FBXO34: variants seen among roughly 807,000 people sequenced by gnomAD.
FBXO34 encodes F-box only protein 34.
FBXO34 carries 12 observed loss-of-function variants against 24.5 expected under a neutral mutation model. That is an observed-to-expected ratio of 0.49 (90% CI 0.31 to 0.79). The LOEUF is 0.79. Among genes scored for constraint, FBXO34 ranks in the 30% least tolerant of loss-of-function variants. FBXO34 has a pLI of 0.04. For synonymous variants in FBXO34, 320 were observed against 311.9 expected (o/e 1.03, Z -0.27); for missense variants, 823 against 857.7 (o/e 0.96, Z 0.51).
At chr14:55,350,338 A>G (rs1431316965) in intron 1 of FBXO34, 43 bp from the exon 2 acceptor site, 1 of 1,418,934 alleles carries the variant, frequency 7.0e-7, no homozygotes, top group Non-Finnish European at 9.3e-7. Context: ...TTTTCTAAAA[A>G]CAAAATTGGT....
In FBXO34 at chr14:55,331,723, ATATATGTATATATATATG is replaced by A. The variant is rs1566559453; in HGVS notation, c.-10-18656_-10-18639del. Among the ~76,000 whole-genome samples, 193 of 43,656 alleles carry A rather than the reference ATATATGTATATATATATG, an allele frequency of 4.4e-3. 47 individuals are homozygous for A. The highest frequency in any genetic ancestry group is 0.034 in the African/African-American group (177 of 5,132). 28.6% of individuals were successfully genotyped at this position (43,656 alleles called of 152,430 possible). A position where few individuals can be genotyped will look rare whatever the true frequency, so the allele number is the denominator to read the frequency against. On this transcript the variant is annotated intron_variant, in intron 1 of 1. Transcript: ENST00000313833. Reference sequence around the variant, plus strand: ...TATATATGTATATATATATGTATATATATATGTATATATATATGTGTGTATATATATATATATGTATAT... The same window carrying A: ...TATATATGTATATATATATGTATATATGTGTATATATATATATATGTATAT...
downstream of FBXO34, chr14:55,369,843 T>G: frequency 6.2e-7 from 1 of 1,614,128 alleles, no homozygotes; most frequent in South Asian, 1.1e-5. Flanking sequence ...TCATCTCCGC[T>G]CTCATCTGAT....
chr14:55,340,957 A>G (rs937861795), intron 1 of FBXO34, among the ~76,000 whole-genome samples: 2 of 152,214 alleles, frequency 1.3e-5, no homozygotes, highest in East Asian at 1.9e-4. Flanking sequence ...AGAAATTGCT[A>G]TTGCCTTAAA....
the FBXO34 span, among the ~76,000 whole-genome samples, chr14:55,441,463 T>G: frequency 6.6e-6 from 1 of 151,988 alleles, no homozygotes; most frequent in Admixed American, 6.6e-5. Flanking sequence ...GCCAGGGATG[T>G]TTTTTTTCTC....
intron 1 of FBXO34, among the ~76,000 whole-genome samples, chr14:55,320,974 T>G (rs1031374515): frequency 1.3e-5 from 2 of 152,300 alleles, no homozygotes; most frequent in African/African-American, 4.8e-5. Flanking sequence ...GGGTTAAATA[T>G]TAATTTTGTT....
chr14:55,390,634 G>C, the FBXO34 span, among the ~76,000 whole-genome samples: 9 of 152,212 alleles, frequency 5.9e-5, no homozygotes, highest in Admixed American at 5.2e-4. Flanking sequence ...GCCTCCCAAA[G>C]TGCTGGGATT....
At chr14:55,285,782 CTG>C (rs1881741601) in intron 1 of FBXO34, among the ~76,000 whole-genome samples, 1 of 152,162 alleles carries the variant, frequency 6.6e-6, no homozygotes, top group Non-Finnish European at 1.5e-5. Flanking sequence ...ACTTGTTGAA[CTG>C]AACACTTGTT....
At chr14:55,371,716 A>G (rs1306899920), downstream of FBXO34, among the ~76,000 whole-genome samples, 3 of 152,102 alleles carry the variant, frequency 2.0e-5, no homozygotes, top group African/African-American at 7.2e-5. Context: ...AGGCAGGAGA[A>G]CGGTGTGAAC....
downstream of FBXO34, among the ~76,000 whole-genome samples, chr14:55,358,172 TCTC>T (rs376085642): frequency 3.3e-4 from 50 of 152,240 alleles, 1 homozygote; most frequent in African/African-American, 1.2e-3. Context: ...CCTTATTTTC[TCTC>T]CTAAGCAGAG....
intron 1 of FBXO34, among the ~76,000 whole-genome samples, chr14:55,321,035 G>A (rs914016369): frequency 1.3e-5 from 2 of 150,928 alleles, no homozygotes; most frequent in African/African-American, 4.9e-5. Context: ...ATAAACAGTG[G>A]ACACAGAGAA....
chr14:55,395,346 T>C, the FBXO34 span: 5 of 216,452 alleles, frequency 2.3e-5, no homozygotes, highest in Non-Finnish European at 4.6e-5. Flanking sequence ...TCTTTAATTG[T>C]TAAATTTTTT....
chr14:55,394,195 T>TG, the FBXO34 span, among the ~76,000 whole-genome samples: 2 of 146,400 alleles, frequency 1.4e-5, no homozygotes, highest in African/African-American at 5.5e-5. Flanking sequence ...TTAGTACAGA[T>TG]GGGGTTTCAC....
intron 1 of FBXO34, chr14:55,299,246 G>A: frequency 2.4e-6 from 2 of 829,650 alleles, no homozygotes; most frequent in Non-Finnish European, 4.3e-6. Context: ...CGACATGAAG[G>A]ATTTGGAGAA....
At chr14:55,441,657 G>A in the FBXO34 span, among the ~76,000 whole-genome samples, 1 of 152,122 alleles carries the variant, frequency 6.6e-6, no homozygotes, top group Non-Finnish European at 1.5e-5. Context: ...CGAAAATAAC[G>A]CAAAACATTC....
chr14:55,312,214 CAAACAAAAAACCTTA>C (rs1882767160), intron 1 of FBXO34, among the ~76,000 whole-genome samples: 2 of 152,010 alleles, frequency 1.3e-5, no homozygotes, highest in Admixed American at 1.3e-4. Context: ...AACAAACAAA[CAAACAAAAAACCTTA>C]AAGTTCCAAA....
the FBXO34 span, among the ~76,000 whole-genome samples, chr14:55,439,614 A>ACCCCCCCCCCC: frequency 1.2e-5 from 1 of 84,510 alleles, no homozygotes; most frequent in African/African-American, 4.0e-5. Flanking sequence ...AGAAAAGCAA[A>ACCCCCCCCCCC]CCCCCCCCCG....
At chr14:55,298,890 G>A in intron 1 of FBXO34, 2 of 1,599,302 alleles carry the variant, frequency 1.3e-6, no homozygotes, top group East Asian at 2.2e-5. Context: ...CCAGCAGCAG[G>A]CCCTGGAGAA....
At chr14:55,277,418 T>C (rs1244827748) in intron 1 of FBXO34, among the ~76,000 whole-genome samples, 6 of 152,212 alleles carry the variant, frequency 3.9e-5, no homozygotes, top group African/African-American at 9.7e-5. Context: ...GCTCCTGGGC[T>C]CAAGCCGTCC....
At chr14:55,398,030 C>T in the FBXO34 span, among the ~76,000 whole-genome samples, 2 of 147,348 alleles carry the variant, frequency 1.4e-5, no homozygotes, top group East Asian at 4.0e-4. Context: ...TCACTGCAAG[C>T]TCCGCCTCCT....
Sources: allele counts gnomAD v4.1 joint callset (sites outside exome capture counted in the v4.1 genomes callset), GRCh38; gene constraint gnomAD v4.1.1; transcripts MANE v1.5; gene names NCBI Gene and HGNC (gene_info 2026-07-23, HGNC 2026-07-21).